MTHFD1L: variants seen among roughly 807,000 people sequenced by gnomAD.
MTHFD1L encodes the protein methylenetetrahydrofolate dehydrogenase (NADP+ dependent) 1 like.
A neutral mutation model predicts 119.5 loss-of-function variants in MTHFD1L; 81 were observed. The ratio of observed to expected loss-of-function variants is 0.68; its 90% CI spans 0.57 to 0.82. MTHFD1L has a LOEUF of 0.82. Ranked by LOEUF, MTHFD1L falls within the 40% of genes least tolerant of loss-of-function variation. The pLI, the probability that MTHFD1L is intolerant of heterozygous loss-of-function variation, is 0.00. For missense variants in MTHFD1L, 1,125 were observed against 1,253.4 expected, an observed-to-expected ratio of 0.90 and a Z score of 1.55; for synonymous variants, 430 against 475.2, an observed-to-expected ratio of 0.90 and a Z score of 1.24.
chr6:151,068,259 GCAGTGGAACAGCCA>G (rs1791547216), intron 26 of MTHFD1L, among the ~76,000 whole-genome samples: 1 of 152,222 alleles, frequency 6.6e-6, no homozygotes, highest in East Asian at 1.9e-4. Context: ...TGACCACACT[GCAGTGGAACAGCCA>G]CATTGTGATT....
chr6:150,969,898 T>C (rs528899456), intron 19 of MTHFD1L, among the ~76,000 whole-genome samples: 3 of 152,318 alleles, frequency 2.0e-5, no homozygotes, highest in African/African-American at 4.8e-5. Flanking sequence ...TTAAAAGATA[T>C]GGACCTTTTT....
In MTHFD1L at chr6:150,865,733, G is replaced by GCCA; in HGVS notation, c.-88_-87insACC. On this transcript the variant is annotated 5_prime_UTR_variant, in exon 1 of 28. Coordinates refer to ENST00000367321, the MANE Select transcript of MTHFD1L (RefSeq NM_015440.5). ...GCGCCAGGTCCTTCCCGCCGCCGCC[G>GCCA]CCGCCGCCGCCGCCTGCTCCCCTGG... is the stretch of plus-strand genomic sequence containing the variant. The GCCA allele has an allele frequency of 1.8e-6, 2 of 1,116,572 alleles. No individual in the cohort carries two copies. Among genetic ancestry groups the GCCA allele is most frequent in the Non-Finnish European group, 2.2e-6 (2 of 907,520 alleles). 69.2% of individuals were successfully genotyped at this position (1,116,572 alleles called of 1,614,324 possible). A position where few individuals can be genotyped will look rare whatever the true frequency, so the allele number is the denominator to read the frequency against.
intron 26 of MTHFD1L, among the ~76,000 whole-genome samples, chr6:151,059,851 G>A (rs1387502349): frequency 6.6e-6 from 1 of 152,178 alleles, no homozygotes; most frequent in African/African-American, 2.4e-5. Context: ...CTAGGGAGTC[G>A]CCCGCTTTAT....
At chr6:150,995,196 AT>A (rs1779656021) in intron 20 of MTHFD1L, among the ~76,000 whole-genome samples, 1 of 151,926 alleles carries the variant, frequency 6.6e-6, no homozygotes, top group African/African-American at 2.4e-5. Flanking sequence ...ATTATTCCTG[AT>A]TTTTGTTACT....
intron 11 of MTHFD1L, 105 bp from the exon 12 acceptor site, chr6:150,936,699 C>A (rs1227215909): frequency 7.6e-7 from 1 of 1,324,250 alleles, no homozygotes; most frequent in East Asian, 2.3e-5. Flanking sequence ...TTATGGAGTG[C>A]ATTTTGAAAT....
At chr6:151,022,096 G>T (rs1784022067) in intron 24 of MTHFD1L, 1 of 470,648 alleles carries the variant, frequency 2.1e-6, no homozygotes. Context: ...ACAGCCTGGA[G>T]CCGCAGCCAG....
At chr6:151,089,519 C>T (rs1211621353) in intron 26 of MTHFD1L, among the ~76,000 whole-genome samples, 1 of 152,212 alleles carries the variant, frequency 6.6e-6, no homozygotes, top group Non-Finnish European at 1.5e-5. Context: ...AGGAGAATCG[C>T]TTGAACCCGG....
chr6:150,920,096 C>T (rs1169223018), intron 9 of MTHFD1L, among the ~76,000 whole-genome samples: 1 of 152,186 alleles, frequency 6.6e-6, no homozygotes. Flanking sequence ...CTAACTTCCC[C>T]CAGTGTGAGC....
In MTHFD1L at chr6:150,963,403, G is replaced by A. The variant is rs530265366; in HGVS notation, c.1945-1566G>A. Among the ~76,000 whole-genome samples, 23 of 152,232 alleles carry A rather than the reference G, an allele frequency of 1.5e-4. No homozygotes were observed. In the South Asian group the frequency reaches 4.1e-3, roughly 27 times the overall value. ...TCACCACCAAAATGATAACTGTGAG[G>A]TAATGCATATGTTAATTAACTAGGT... On this transcript the variant is annotated intron_variant, in intron 18 of 27. Transcript: ENST00000367321.
chr6:150,989,020 G>A (rs1439446756), intron 20 of MTHFD1L, among the ~76,000 whole-genome samples: 2 of 152,316 alleles, frequency 1.3e-5, no homozygotes, highest in African/African-American at 2.4e-5. Flanking sequence ...GATTACAGGC[G>A]TGAGCCACCA....
chr6:150,902,204 T>C (rs1001652406), intron 7 of MTHFD1L, among the ~76,000 whole-genome samples: 73 of 152,318 alleles, frequency 4.8e-4, no homozygotes, highest in African/African-American at 1.7e-3. Context: ...CCCCATCTCT[T>C]TATATTCAGA....
Position 150,926,352 on chromosome 6 carries a change from C to G in MTHFD1L, c.1256+57C>G. The G allele has an allele frequency of 6.8e-7, 1 of 1,466,920 alleles. No individual in the cohort carries two copies. The highest frequency in any genetic ancestry group is 1.4e-5 in the African/African-American group (1 of 71,782). The allele number at this position is 1,466,920 out of a possible 1,614,324, so 90.9% of individuals were successfully genotyped here. ...GCAGACATATTTACAAAACTCTTCCCTATTTATCTCTCTCCTCGTACCCCT... is the reference window on the plus strand; with the variant it reads ...GCAGACATATTTACAAAACTCTTCCGTATTTATCTCTCTCCTCGTACCCCT... On this transcript the variant is annotated intron_variant, in intron 11 of 27. Coordinates refer to ENST00000367321, the MANE Select transcript of MTHFD1L (RefSeq NM_015440.5). The surrounding 1 kb of genome is among the most constrained non-coding windows in gnomAD (Gnocchi z 4.3).
chr6:150,924,186 G>A (rs1203298220), intron 10 of MTHFD1L, among the ~76,000 whole-genome samples: 1 of 152,188 alleles, frequency 6.6e-6, no homozygotes, highest in Non-Finnish European at 1.5e-5. Context: ...TGATGTCTCT[G>A]TGACTAGCTA....
chr6:151,064,904 GT>G (rs1476787748), intron 26 of MTHFD1L, among the ~76,000 whole-genome samples: 1 of 151,968 alleles, frequency 6.6e-6, no homozygotes, highest in African/African-American at 2.4e-5. Flanking sequence ...CTGGGTTCAA[GT>G]GATTCTCCTG....
intron 8 of MTHFD1L, among the ~76,000 whole-genome samples, chr6:150,910,767 C>T (rs938510315): frequency 6.6e-6 from 1 of 152,076 alleles, no homozygotes; most frequent in Non-Finnish European, 1.5e-5. Flanking sequence ...TTCCTGCATT[C>T]CTCCCTCCAC....
chr6:151,015,227 T>TTTTTG (rs1491186340), intron 23 of MTHFD1L, among the ~76,000 whole-genome samples: 3 of 142,550 alleles, frequency 2.1e-5, no homozygotes, highest in African/African-American at 8.3e-5. Flanking sequence ...TTTTTTTTTT[T>TTTTTG]TAATTCTACC....
At position 150,960,301 on chromosome 6, in the gene MTHFD1L, C is replaced by T. The variant is rs760636367; in HGVS notation, c.1830C>T (p.Ser610=). 75 of 1,613,384 alleles carry T rather than the reference C, an allele frequency of 4.6e-5. No individual in the cohort carries two copies. Among genetic ancestry groups the T allele is most frequent in the Middle Eastern group, 1.7e-4 (1 of 6,028 alleles). Residue 610 remains serine (S), a synonymous_variant, in exon 18 of 28, where the codon AGC becomes AGT. Coordinates refer to ENST00000367321, the MANE Select transcript of MTHFD1L (RefSeq NM_015440.5). ...CGCAGTTTGACATCGCAGTGGCCAG[C>T]GAGATCATGGCGGTGCTGGCCCTGA... ...RQAQFDIAVA[S]EIMAVLALTD...
At chr6:151,076,196 C>T (rs1792492717) in intron 26 of MTHFD1L, among the ~76,000 whole-genome samples, 1 of 149,342 alleles carries the variant, frequency 6.7e-6, no homozygotes, top group Admixed American at 6.9e-5. Context: ...TCTGTGTCTA[C>T]AATAAAAGAA....
chr6:151,021,071 A>G (rs1218748726), intron 24 of MTHFD1L, among the ~76,000 whole-genome samples: 1 of 152,214 alleles, frequency 6.6e-6, no homozygotes. Flanking sequence ...CTTTGGGATC[A>G]TGCAAATTAA....
Sources: gnomAD v4.1 joint callset for allele counts (sites outside exome capture counted in the v4.1 genomes callset) on GRCh38, gnomAD v4.1.1 for gene constraint, Gnocchi (gnomAD v3.1) non-coding constraint, MANE v1.5 for transcripts, NCBI Gene and HGNC (gene_info 2026-07-23, HGNC 2026-07-21) for gene names.